The following LOC400499 variants were observed in gnomAD, a reference collection of about 807,000 sequenced individuals.
chr16:11,435,815 G>C, the LOC400499 span: 1 of 399,356 alleles, frequency 2.5e-6, no homozygotes, highest in Non-Finnish European at 4.4e-6. Context: ...CTCCCGGCCA[G>C]ACATTTGCAC....
the LOC400499 span, among the ~76,000 whole-genome samples, chr16:11,430,354 A>G: frequency 6.6e-6 from 1 of 152,034 alleles, no homozygotes; most frequent in Admixed American, 6.6e-5. Flanking sequence ...GCCAGGTGTG[A>G]TGCTGTGTTC....
the LOC400499 span, among the ~76,000 whole-genome samples, chr16:11,460,796 G>A: frequency 6.6e-6 from 1 of 152,360 alleles, no homozygotes; most frequent in African/African-American, 2.4e-5. Flanking sequence ...CTCCTCAACA[G>A]ACACACTTTT....
At chr16:11,468,401 G>A in the LOC400499 span, among the ~76,000 whole-genome samples, 2 of 152,180 alleles carry the variant, frequency 1.3e-5, no homozygotes, top group Non-Finnish European at 2.9e-5. Flanking sequence ...ATGGCTCAGT[G>A]CAGCCTTGAC....
chr16:11,411,774 C>G, the LOC400499 span, among the ~76,000 whole-genome samples: 2 of 152,072 alleles, frequency 1.3e-5, no homozygotes, highest in Non-Finnish European at 2.9e-5. Context: ...TGACTCCCTC[C>G]CAGGGATCCT....
At chr16:11,385,338 C>A in the LOC400499 span, 5 of 1,232,328 alleles carry the variant, frequency 4.1e-6, no homozygotes, top group Non-Finnish European at 5.1e-6. Flanking sequence ...CAGGAGGATG[C>A]TGCCGCACTG....
At chr16:11,399,340 G>A in the LOC400499 span, 8 of 994,508 alleles carry the variant, frequency 8.0e-6, no homozygotes, top group Non-Finnish European at 1.0e-5. Context: ...AAGGCTCACA[G>A]CAGAGAAGTA....
At chr16:11,525,177 G>A in the LOC400499 span, among the ~76,000 whole-genome samples, 2 of 151,878 alleles carry the variant, frequency 1.3e-5, no homozygotes, top group Admixed American at 1.3e-4. Context: ...CCAGCTACTC[G>A]TGGGAGGTGG....
At chr16:11,471,940 C>T in the LOC400499 span, 1 of 397,646 alleles carries the variant, frequency 2.5e-6, no homozygotes, top group African/African-American at 2.1e-5. Context: ...AGGAAAGGCA[C>T]CATGTAGACA....
the LOC400499 span, among the ~76,000 whole-genome samples, chr16:11,422,982 TG>T: frequency 6.6e-6 from 1 of 151,750 alleles, no homozygotes; most frequent in Non-Finnish European, 1.5e-5. Flanking sequence ...CTGATGCCCC[TG>T]GGAACTGGGA....
At chr16:11,489,360 G>A in the LOC400499 span, among the ~76,000 whole-genome samples, 3 of 152,188 alleles carry the variant, frequency 2.0e-5, no homozygotes, top group African/African-American at 7.2e-5. Flanking sequence ...ATCTTGCAGG[G>A]CTTTTTGGGA....
chr16:11,436,390 A>C, the LOC400499 span, among the ~76,000 whole-genome samples: 28 of 152,070 alleles, frequency 1.8e-4, no homozygotes, highest in Admixed American at 1.8e-3. Flanking sequence ...GCTAGTCCCA[A>C]CAAGGGTGCT....
chr16:11,459,789 G>C, the LOC400499 span: 1 of 1,132,664 alleles, frequency 8.8e-7, no homozygotes, highest in Non-Finnish European at 1.1e-6. Context: ...AGTTTCAGCT[G>C]CTTGCATCCT....
the LOC400499 span, among the ~76,000 whole-genome samples, chr16:11,415,023 G>C: frequency 1.5e-4 from 23 of 152,292 alleles, no homozygotes; most frequent in African/African-American, 5.1e-4. Flanking sequence ...GAATGACTGT[G>C]GGATGAAAGG....
At chr16:11,524,030 C>T in the LOC400499 span, among the ~76,000 whole-genome samples, 1 of 103,752 alleles carries the variant, frequency 9.6e-6, no homozygotes, top group Non-Finnish European at 2.0e-5. Context: ...CCCCAACCCC[C>T]CTCCTACGCA....
At chr16:11,398,614 G>A in the LOC400499 span, 1 of 907,126 alleles carries the variant, frequency 1.1e-6, no homozygotes, top group Non-Finnish European at 1.4e-6. Flanking sequence ...TGCCAGGAAT[G>A]TGCCGTCAGA....
chr16:11,396,259 G>A, the LOC400499 span: 2 of 349,092 alleles, frequency 5.7e-6, no homozygotes, highest in Non-Finnish European at 1.0e-5. Context: ...CTCTGTTATA[G>A]GAAGGGCCGG....
At chr16:11,391,165 G>A in the LOC400499 span, among the ~76,000 whole-genome samples, 1 of 152,232 alleles carries the variant, frequency 6.6e-6, no homozygotes, top group African/African-American at 2.4e-5. Flanking sequence ...TCAGAGGGAT[G>A]CCCACCCTGG....
chr16:11,378,199 G>A, the LOC400499 span, among the ~76,000 whole-genome samples: 2 of 147,220 alleles, frequency 1.4e-5, no homozygotes, highest in Non-Finnish European at 3.0e-5. Flanking sequence ...GGCCTTCCAA[G>A]TAGCTAGGAT....
the LOC400499 span, among the ~76,000 whole-genome samples, chr16:11,427,773 A>C: frequency 1.3e-5 from 2 of 152,084 alleles, no homozygotes; most frequent in Admixed American, 1.3e-4. Context: ...TTTTATGTAA[A>C]TTTTATATCA....
Sources: allele counts gnomAD v4.1 joint callset (sites outside exome capture counted in the v4.1 genomes callset), GRCh38; gene constraint gnomAD v4.1.1; transcripts MANE v1.5.